The following GRID1 variants were observed in gnomAD, a reference collection of about 807,000 sequenced individuals.
GRID1 encodes glutamate ionotropic receptor delta type subunit 1, also known as glutamate receptor ionotropic, delta-1.
GRID1 carries 28 observed loss-of-function variants against 98.0 expected under a neutral mutation model. That is an observed-to-expected ratio of 0.29 (90% CI 0.21 to 0.39). The LOEUF is 0.39. Among genes scored for constraint, GRID1 ranks in the 10% least tolerant of loss-of-function variants. GRID1 has a pLI of 1.00. For synonymous variants in GRID1, 553 were observed against 538.5 expected, an observed-to-expected ratio of 1.03 and a Z score of -0.37; for missense variants, 1,111 against 1,340.5, an observed-to-expected ratio of 0.83 and a Z score of 2.67.
At chr10:85,828,227 A>G (rs1400870807) in intron 8 of GRID1, among the ~76,000 whole-genome samples, 1 of 152,144 alleles carries the variant, frequency 6.6e-6, no homozygotes, top group Non-Finnish European at 1.5e-5. Flanking sequence ...TCAAGAAATG[A>G]TTTGAAACTA....
chr10:85,861,114 A>C (rs1480614197), intron 6 of GRID1, among the ~76,000 whole-genome samples: 2 of 152,230 alleles, frequency 1.3e-5, no homozygotes, highest in Non-Finnish European at 2.9e-5. Flanking sequence ...AGCTGGGGTC[A>C]GCACCAGTCT....
intron 8 of GRID1, among the ~76,000 whole-genome samples, chr10:85,809,157 T>A (rs571990764): frequency 2.0e-5 from 3 of 152,064 alleles, no homozygotes; most frequent in African/African-American, 7.2e-5. Context: ...CTCGTTAACC[T>A]ATAAATATGT....
At chr10:85,983,862 T>C (rs1011445022) in intron 4 of GRID1, among the ~76,000 whole-genome samples, 1 of 151,974 alleles carries the variant, frequency 6.6e-6, no homozygotes, top group African/African-American at 2.4e-5. Context: ...AGCTTGGGGG[T>C]TGCTAAAGAA....
At chr10:85,809,210 T>A (rs78444679) in intron 8 of GRID1, among the ~76,000 whole-genome samples, 2 of 151,598 alleles carry the variant, frequency 1.3e-5, no homozygotes, top group Middle Eastern at 3.4e-3. Flanking sequence ...AAAAATAAAA[T>A]GAGGAAAAAA....
At chr10:85,878,699 T>G (rs1384570968) in intron 5 of GRID1, among the ~76,000 whole-genome samples, 11 of 152,240 alleles carry the variant, frequency 7.2e-5, no homozygotes, top group Non-Finnish European at 1.2e-4. Context: ...AGGCTAGGAA[T>G]AAACTGCATC....
chr10:85,778,404 G>T lies in GRID1; in HGVS notation c.1234-48790C>A, dbSNP rs1842351692. On this transcript the variant is annotated intron_variant, in intron 8 of 15. Transcript: ENST00000327946. ...AATGAAGTGTCACTGGGAATGAAAT[G>T]CCACTCCAGGGCTAGGTTGTCAGGA... Among the ~76,000 whole-genome samples, 3 of 152,180 alleles carry T rather than the reference G, an allele frequency of 2.0e-5. No individual in the cohort carries two copies. In the South Asian group the frequency reaches 6.2e-4, roughly 32 times the overall value.
At chr10:86,316,438 C>G (rs1185691733) in intron 2 of GRID1, among the ~76,000 whole-genome samples, 3 of 152,252 alleles carry the variant, frequency 2.0e-5, no homozygotes, top group Non-Finnish European at 2.9e-5. Context: ...ACAATCCCCC[C>G]CATCAGGCAC....
At chr10:86,241,674 G>T (rs370726052) in intron 2 of GRID1, among the ~76,000 whole-genome samples, 1 of 152,208 alleles carries the variant, frequency 6.6e-6, no homozygotes, top group East Asian at 1.9e-4. Flanking sequence ...TCTCATCAGT[G>T]AATAATAGGA....
chr10:86,149,347 G>C (rs11201910), intron 3 of GRID1, among the ~76,000 whole-genome samples: 6,505 of 152,304 alleles, frequency 0.043, 150 homozygotes, highest in Non-Finnish European at 0.054. Flanking sequence ...AACCACATAA[G>C]AGCAGATTCA....
intron 2 of GRID1, among the ~76,000 whole-genome samples, chr10:86,336,784 G>A (rs1025375551): frequency 3.5e-4 from 53 of 151,484 alleles, no homozygotes; most frequent in African/African-American, 1.2e-3. Context: ...TCATGTAAGC[G>A]TCGCCCACTC....
chr10:86,119,286 G>C (rs997659154), intron 4 of GRID1, among the ~76,000 whole-genome samples: 3 of 152,186 alleles, frequency 2.0e-5, no homozygotes, highest in Non-Finnish European at 4.4e-5. Flanking sequence ...AGTGAGCTGA[G>C]ATCAGGCCAC....
At chr10:86,207,669 T>C (rs1233998438) in intron 2 of GRID1, among the ~76,000 whole-genome samples, 1 of 144,490 alleles carries the variant, frequency 6.9e-6, no homozygotes, top group Non-Finnish European at 1.5e-5. Flanking sequence ...TTTCGCTCTG[T>C]CGCCCAGGCT....
chr10:86,276,181 G>T (rs1297186623), intron 2 of GRID1, among the ~76,000 whole-genome samples: 4 of 152,136 alleles, frequency 2.6e-5, no homozygotes, highest in African/African-American at 4.8e-5. Flanking sequence ...TGTCAGTAAG[G>T]CTGGTTCCTT....
At chr10:85,895,016 A>AAAAAAAAAATAT (rs766551035) in intron 5 of GRID1, among the ~76,000 whole-genome samples, 1 of 97,108 alleles carries the variant, frequency 1.0e-5, no homozygotes, top group African/African-American at 3.9e-5. Flanking sequence ...AAAAAAAAAA[A>AAAAAAAAAATAT]ATATATATAT....
intron 4 of GRID1, among the ~76,000 whole-genome samples, chr10:85,956,407 C>T (rs1274618003): frequency 6.6e-6 from 1 of 152,208 alleles, no homozygotes; most frequent in Non-Finnish European, 1.5e-5. Context: ...GCTGCCAATG[C>T]TCATTCCTTT....
intron 12 of GRID1, among the ~76,000 whole-genome samples, chr10:85,664,077 T>C (rs1840994503): frequency 6.6e-6 from 1 of 152,108 alleles, no homozygotes; most frequent in Non-Finnish European, 1.5e-5. Context: ...AGTCACTCAA[T>C]GTTGATGTGC....
intron 4 of GRID1, among the ~76,000 whole-genome samples, chr10:86,106,603 G>A (rs1844391238): frequency 6.6e-6 from 1 of 152,050 alleles, no homozygotes; most frequent in African/African-American, 2.4e-5. Context: ...ATGGGAGGAG[G>A]GAGCCTTGAG....
At position 86,185,758 on chromosome 10, in the gene GRID1, C is replaced by T. The variant is rs79403740; in HGVS notation, c.520+20606G>A. Among the ~76,000 whole-genome samples the T allele has an allele frequency of 9.8e-3, 1,485 of 152,286 alleles. 23 individuals are homozygous for T. Among genetic ancestry groups the T allele is most frequent in the African/African-American group, 0.034 (1,408 of 41,564 alleles). On this transcript the variant is annotated intron_variant, in intron 3 of 15. Transcript: ENST00000327946. ...TCTATAATAATGGTGAATTACGTCACTTGATTTTTGAATGTTAAATCAGCC... is the reference window on the plus strand; with the variant it reads ...TCTATAATAATGGTGAATTACGTCATTTGATTTTTGAATGTTAAATCAGCC...
chr10:85,835,795 T>C (rs1016300968), intron 8 of GRID1, among the ~76,000 whole-genome samples: 2 of 152,152 alleles, frequency 1.3e-5, no homozygotes, highest in African/African-American at 4.8e-5. Context: ...ATAAAGAGAC[T>C]TCAATGAATT....
Sources: gnomAD v4.1 joint callset for allele counts (sites outside exome capture counted in the v4.1 genomes callset) on GRCh38, gnomAD v4.1.1 for gene constraint, MANE v1.5 for transcripts, NCBI Gene and HGNC (gene_info 2026-07-23, HGNC 2026-07-21) for gene names.